KNTC1: variants seen among roughly 807,000 people sequenced by gnomAD.
KNTC1 encodes kinetochore-associated protein 1.
Under a neutral mutation model 314.4 loss-of-function variants are expected in KNTC1, and 253 were observed. The observed-to-expected ratio is 0.80, with a 90% CI of 0.73 to 0.89. The LOEUF (loss-of-function observed/expected upper bound fraction) is 0.89. Ranked by LOEUF, KNTC1 falls within the 40% of genes least tolerant of loss-of-function variation. The pLI is 0.00. For missense variants in KNTC1, 2,475 were observed against 2,572.9 expected (o/e 0.96, Z 0.82); for synonymous variants, 901 against 901.4 (o/e 1.00, Z 0.01).
At chr12:122,557,029 C>T (rs1963648736) in intron 16 of KNTC1, among the ~76,000 whole-genome samples, 1 of 150,772 alleles carries the variant, frequency 6.6e-6, no homozygotes, top group African/African-American at 2.4e-5. Context: ...CAGGCTGGCA[C>T]TACATCTAGC....
intron 3 of KNTC1, among the ~76,000 whole-genome samples, chr12:122,537,501 C>T (rs1961935897): frequency 6.6e-6 from 1 of 151,982 alleles, no homozygotes; most frequent in African/African-American, 2.4e-5. Context: ...TCACTGCAGC[C>T]TCCACCTCCT....
intron 16 of KNTC1, among the ~76,000 whole-genome samples, chr12:122,556,003 A>G (rs1963560800): frequency 6.6e-6 from 1 of 151,624 alleles, no homozygotes; most frequent in Admixed American, 6.6e-5. Flanking sequence ...AACATTTAAA[A>G]CCTACTCTTT....
At chr12:122,607,780 G>T (rs1321230526) in intron 51 of KNTC1, among the ~76,000 whole-genome samples, 2 of 152,102 alleles carry the variant, frequency 1.3e-5, no homozygotes, top group African/African-American at 4.8e-5. Flanking sequence ...GAAGAGCACA[G>T]GCCAGTTGGT....
chr12:122,564,440 G>A (rs905513193), intron 20 of KNTC1, among the ~76,000 whole-genome samples: 2 of 151,798 alleles, frequency 1.3e-5, no homozygotes, highest in Non-Finnish European at 2.9e-5. Context: ...CACAATAAAA[G>A]AGAACCCACG....
chr12:122,624,663 A>G lies in KNTC1; in HGVS notation c.6581A>G (p.Asp2194Gly), dbSNP rs1874821025. ...SKHCGKPVPP[D>G]TAPCEILKMF... ...CACTGCGGGAAACCTGTGCCTCCAG[A>G]CACTGCTCCCTGTGAAATTCTGAAG... Residue 2194 changes from aspartate (D) to glycine (G), a missense_variant, in exon 63 of 64, where the codon GAC becomes GGC. Transcript: ENST00000333479. 6.2e-7 allele frequency: 1 copy of G among 1,613,268 alleles called. No individual in the cohort carries two copies. Among genetic ancestry groups the G allele is most frequent in the African/African-American group, 1.3e-5 (1 of 74,926 alleles).
chr12:122,626,122 A>T, intron 63 of KNTC1, 83 bp from the exon 64 acceptor site: 1 of 938,186 alleles, frequency 1.1e-6, no homozygotes, highest in Non-Finnish European at 1.7e-6. Flanking sequence ...CACTTCACTT[A>T]AGTTCTGTAG....
intron 30 of KNTC1, 138 bp from the exon 31 acceptor site, chr12:122,577,534 G>A (rs1051560601): frequency 6.0e-5 from 54 of 897,310 alleles, no homozygotes; most frequent in African/African-American, 2.8e-4. Context: ...ATGGATTTTC[G>A]GATTATTAAA....
intron 33 of KNTC1, among the ~76,000 whole-genome samples, chr12:122,581,066 G>A (rs141770512): frequency 1.7e-4 from 25 of 151,256 alleles, no homozygotes; most frequent in African/African-American, 5.3e-4. Flanking sequence ...TAGCCTTTAG[G>A]GACTGGAGAT....
chr12:122,543,658 C>A lies in KNTC1; in HGVS notation c.558+24C>A, dbSNP rs748186993. 9 of 1,443,720 alleles carry A rather than the reference C, an allele frequency of 6.2e-6. No individual in the cohort carries two copies. The Admixed American group carries it at 1.6e-4, about 25-fold the overall frequency. 89.4% of individuals were successfully genotyped at this position (1,443,720 alleles called of 1,614,324 possible). On this transcript the variant is annotated intron_variant, in intron 7 of 63. Transcript: ENST00000333479. ...AGGTAAGAAAATAAATCCATATTGT[C>A]CTCTTAAAAAAATTACATTTAATAT...
At chr12:122,622,150 T>C (rs891897754) in intron 61 of KNTC1, among the ~76,000 whole-genome samples, 180 bp downstream of exon 61, 4 of 152,234 alleles carry the variant, frequency 2.6e-5, no homozygotes, top group African/African-American at 9.6e-5. Context: ...CTGAGCGTCT[T>C]GTTGACTGCT....
At chr12:122,585,876 C>G in intron 37 of KNTC1, 102 bp downstream of exon 37, 1 of 1,053,508 alleles carries the variant, frequency 9.5e-7, no homozygotes, top group Non-Finnish European at 1.4e-6. Context: ...TGTGGGCGAA[C>G]CTTATAAGCG....
In KNTC1 at chr12:122,587,827, C is replaced by T. The variant is rs1400807960; in HGVS notation, c.3847C>T (p.Leu1283Phe). Reference sequence around the variant, plus strand: ...TGTGGTTGGTTCATTTGGTACCTGTCTTCAGCACTCTGTGTCAAACTTCAT... The same window carrying T: ...TGTGGTTGGTTCATTTGGTACCTGTTTTCAGCACTCTGTGTCAAACTTCAT... ...RFVVGSFGTC[L>F]QHSVSNFMNA... The change falls in exon 39 of 64, where the codon CTT (leucine) becomes TTT (phenylalanine). Residue 1283 changes from leucine to phenylalanine, a missense_variant. Leu to Phe is a conservative substitution (Grantham distance 22). Transcript: ENST00000333479. 6.2e-7 allele frequency: 1 copy of T among 1,613,816 alleles called. No homozygotes were observed. The highest frequency in any genetic ancestry group is 1.6e-4 in the Middle Eastern group (1 of 6,062).
chr12:122,562,791 C>T (rs755739185), intron 20 of KNTC1, 92 bp downstream of exon 20: 2 of 727,018 alleles, frequency 2.8e-6, no homozygotes, highest in South Asian at 1.5e-5. Flanking sequence ...GGGCAGATCA[C>T]CCGAGATCAG....
chr12:122,624,756 A>G (rs767762263), intron 63 of KNTC1, 68 bp downstream of exon 63: 9 of 1,092,900 alleles, frequency 8.2e-6, no homozygotes, highest in Non-Finnish European at 1.1e-5. Flanking sequence ...CTTAAAATTG[A>G]CAAGCCTTTT....
chr12:122,581,014 C>A (rs1227541824), intron 33 of KNTC1, among the ~76,000 whole-genome samples: 1 of 133,834 alleles, frequency 7.5e-6, no homozygotes, highest in Non-Finnish European at 1.5e-5. Flanking sequence ...GGTGACAGAT[C>A]GAGACTCCAT....
chr12:122,605,878 C>CT (rs1382747388), intron 51 of KNTC1, among the ~76,000 whole-genome samples: 1 of 151,650 alleles, frequency 6.6e-6, no homozygotes, highest in Non-Finnish European at 1.5e-5. Context: ...GAGTTTCGCT[C>CT]TGTCACCCTG....
chr12:122,547,663 G>A (rs1441793327), intron 11 of KNTC1, 133 bp downstream of exon 11: 3 of 679,724 alleles, frequency 4.4e-6, no homozygotes, highest in South Asian at 2.0e-5. Context: ...AGTAAAGACC[G>A]TTTGCAAAAT....
intron 38 of KNTC1, among the ~76,000 whole-genome samples, chr12:122,587,413 G>A (rs1869513204): frequency 6.6e-6 from 1 of 152,054 alleles, no homozygotes; most frequent in Non-Finnish European, 1.5e-5. Flanking sequence ...TATGTGATTT[G>A]GCTTATAGTG....
chr12:122,529,131 A>C (rs1372566908), intron 1 of KNTC1, among the ~76,000 whole-genome samples: 1 of 152,178 alleles, frequency 6.6e-6, no homozygotes, highest in Admixed American at 6.5e-5. Flanking sequence ...GGTGTGAGCC[A>C]CCGCGCCGGC....
Sources: allele counts gnomAD v4.1 joint callset (sites outside exome capture counted in the v4.1 genomes callset), GRCh38; gene constraint gnomAD v4.1.1; transcripts MANE v1.5; gene names NCBI Gene and HGNC (gene_info 2026-07-23, HGNC 2026-07-21).